The following FYTTD1 variants were observed in gnomAD, a reference collection of about 807,000 sequenced individuals.
FYTTD1 encodes the protein forty-two-three domain containing 1, also known as UAP56-interacting factor.
In FYTTD1, 22 loss-of-function variants were observed where a neutral mutation model predicts 40.9. That is an observed-to-expected ratio of 0.54 (90% CI 0.38 to 0.77). The LOEUF (loss-of-function observed/expected upper bound fraction) is 0.77, where lower values mean the gene tolerates loss of function less well. Among genes scored for constraint, FYTTD1 ranks in the 30% least tolerant of loss-of-function variants. The pLI is 0.00. For synonymous variants in FYTTD1, 140 were observed against 137.9 expected (o/e 1.01, Z -0.10); for missense variants, 351 against 392.2 (o/e 0.90, Z 0.89).
upstream of FYTTD1, chr3:197,749,724 T>C (rs144778477): frequency 5.4e-4 from 335 of 622,676 alleles, no homozygotes; most frequent in African/African-American, 4.1e-3. Flanking sequence ...CGCGAGCGCC[T>C]AGCACAGCGG....
intron 2 of FYTTD1, among the ~76,000 whole-genome samples, chr3:197,763,030 T>G (rs1158879282): frequency 6.6e-6 from 1 of 152,244 alleles, no homozygotes; most frequent in Non-Finnish European, 1.5e-5. Context: ...TAAAATTTGT[T>G]CTTTTTCATT....
chr3:197,778,910 A>T (rs1214613159), intron 8 of FYTTD1, among the ~76,000 whole-genome samples: 1 of 152,212 alleles, frequency 6.6e-6, no homozygotes, highest in Non-Finnish European at 1.5e-5. Flanking sequence ...ACCTAGGAGT[A>T]GAATTGCTAG....
At chr3:197,777,046 C>A (rs1407326357) in intron 7 of FYTTD1, 45 bp downstream of exon 7, 2 of 1,119,176 alleles carry the variant, frequency 1.8e-6, no homozygotes, top group Non-Finnish European at 2.7e-6. Context: ...CCTCTCATTA[C>A]ATGAGATCAT....
intron 6 of FYTTD1, 151 bp from the exon 7 acceptor site, chr3:197,776,776 T>G: frequency 1.8e-6 from 1 of 558,036 alleles, no homozygotes; most frequent in South Asian, 2.6e-5. Flanking sequence ...CCCAAGATGT[T>G]GATTTATTAT....
At position 197,782,239 on chromosome 3, in the gene FYTTD1, C is replaced by T. The variant is rs1730048193; in HGVS notation, c.*330C>T. On this transcript the variant is annotated 3_prime_UTR_variant, in exon 9 of 9. Coordinates refer to ENST00000241502, the MANE Select transcript of FYTTD1 (RefSeq NM_032288.7). ...TTTTTATGATAGCAGTATTCAGGAT[C>T]TCATCACCTTTGCCCGTGTTTTAGA... is the stretch of plus-strand genomic sequence containing the variant. The T allele has an allele frequency of 6.0e-6, 1 of 166,608 alleles. No individual in the cohort carries two copies. Among genetic ancestry groups the T allele is most frequent in the Admixed American group, 6.3e-5 (1 of 15,870 alleles). 10.3% of individuals were successfully genotyped at this position (166,608 alleles called of 1,614,324 possible).
At chr3:197,755,587 A>G (rs566702967) in intron 1 of FYTTD1, 2 of 203,628 alleles carry the variant, frequency 9.8e-6, no homozygotes, top group Non-Finnish European at 1.9e-5. Context: ...CTGGGATTAC[A>G]GGCATGCACC....
At chr3:197,770,322 G>T in intron 4 of FYTTD1, 78 bp downstream of exon 4, 1 of 905,106 alleles carries the variant, frequency 1.1e-6, no homozygotes, top group South Asian at 1.6e-5. Flanking sequence ...GAATGGATTT[G>T]CAGTGATTTT....
chr3:197,768,329 A>G (rs1729610953), intron 2 of FYTTD1, 110 bp from the exon 3 acceptor site: 3 of 716,074 alleles, frequency 4.2e-6, no homozygotes, highest in Middle Eastern at 3.6e-4. Flanking sequence ...CATAAATAAT[A>G]ACATAATAAA....
intron 1 of FYTTD1, among the ~76,000 whole-genome samples, chr3:197,752,622 G>A (rs929189919): frequency 8.6e-5 from 13 of 151,564 alleles, no homozygotes; most frequent in Admixed American, 8.5e-4. Flanking sequence ...GTATGTCTAT[G>A]GCTTGGTTAT....
intron 6 of FYTTD1, among the ~76,000 whole-genome samples, chr3:197,774,846 G>T (rs73892111): frequency 0.027 from 4,014 of 148,370 alleles, 150 homozygotes; most frequent in African/African-American, 0.093. Context: ...TAGCTCGATG[G>T]CCAGTGCACA....
rs1730077050 is a variant in FYTTD1, at chr3:197,783,284, T to TA, written c.*1380dup. The TA allele has an allele frequency of 6.6e-6, 1 of 152,646 alleles. No individual in the cohort carries two copies. Among genetic ancestry groups the TA allele is most frequent in the Non-Finnish European group, 1.5e-5 (1 of 68,046 alleles). 9.5% of individuals were successfully genotyped at this position (152,646 alleles called of 1,614,324 possible). The stretch of plus-strand genomic sequence containing the variant: ...TTGACATTTTAGTTTGCCATTATGT[T>TA]AAAAACATCTAAATAGGTGTTAGTT... On this transcript the variant is annotated 3_prime_UTR_variant, in exon 9 of 9. Transcript: ENST00000241502.
intron 7 of FYTTD1, among the ~76,000 whole-genome samples, chr3:197,777,679 C>T (rs116313958): frequency 0.011 from 1,722 of 152,108 alleles, 42 homozygotes; most frequent in African/African-American, 0.04. Context: ...GCTTTATAAA[C>T]TTTGTCAATT....
intron 2 of FYTTD1, among the ~76,000 whole-genome samples, chr3:197,757,524 A>G (rs1412556545): frequency 6.6e-6 from 1 of 152,238 alleles, no homozygotes; most frequent in Non-Finnish European, 1.5e-5. Context: ...ACAGTGGCTT[A>G]TGCCTGTAAT....
rs866152729 is a variant in FYTTD1 at position 197,784,159 on chromosome 3, G to T, written c.*2250G>T. ...AAGGTATATGCAAAACATTGGTGCC[G>T]TGCATCACCAAATGAAAGTTTGTAT... On this transcript the variant is annotated 3_prime_UTR_variant, in exon 9 of 9. Transcript: ENST00000241502. 1 of 152,446 alleles carries T rather than the reference G, an allele frequency of 6.6e-6. No individual in the cohort carries two copies. The highest frequency in any genetic ancestry group is 2.4e-5 in the African/African-American group (1 of 41,370). 9.4% of individuals were successfully genotyped at this position (152,446 alleles called of 1,614,324 possible).
chr3:197,775,898 A>G (rs1034703057), intron 6 of FYTTD1, among the ~76,000 whole-genome samples: 4 of 152,256 alleles, frequency 2.6e-5, no homozygotes, highest in Non-Finnish European at 5.9e-5. Context: ...GACAAAGCAC[A>G]AAATAGTTAA....
In FYTTD1 at chr3:197,784,992, G is replaced by T. The variant is rs1258857191; in HGVS notation, c.*3083G>T. 1 of 152,096 alleles carries T rather than the reference G, an allele frequency of 6.6e-6. No individual in the cohort carries two copies. Among genetic ancestry groups the T allele is most frequent in the Admixed American group, 6.6e-5 (1 of 15,266 alleles). 9.4% of individuals were successfully genotyped at this position (152,096 alleles called of 1,614,324 possible). ...TTAATTGATAATAAACTGCTTTGGT[G>T]AATTAACACCCACAGAAAATAGTGG... On this transcript the variant is annotated 3_prime_UTR_variant, in exon 9 of 9. Transcript: ENST00000241502.
At chr3:197,780,232 A>AT (rs1729993947) in intron 8 of FYTTD1, among the ~76,000 whole-genome samples, 1 of 152,108 alleles carries the variant, frequency 6.6e-6, no homozygotes, top group South Asian at 2.1e-4. Context: ...TAATTCTTAT[A>AT]TTTTTTGTAG....
chr3:197,766,078 C>A (rs573001014), intron 2 of FYTTD1, among the ~76,000 whole-genome samples: 2 of 150,218 alleles, frequency 1.3e-5, no homozygotes, highest in East Asian at 3.9e-4. Flanking sequence ...CAGGAGAATT[C>A]TTTGAACCCA....
At chr3:197,763,394 A>G (rs1320223526) in intron 2 of FYTTD1, 1 of 316,054 alleles carries the variant, frequency 3.2e-6, no homozygotes, top group African/African-American at 2.3e-5. Flanking sequence ...AGCCTGGGCG[A>G]CAGAGTGAGA....
Sources: gnomAD v4.1 joint callset for allele counts (sites outside exome capture counted in the v4.1 genomes callset) on GRCh38, gnomAD v4.1.1 for gene constraint, MANE v1.5 for transcripts, NCBI Gene and HGNC (gene_info 2026-07-23, HGNC 2026-07-21) for gene names.